The following ABCC4 variants were observed in gnomAD, a reference collection of about 807,000 sequenced individuals.
The protein encoded by ABCC4 is ATP binding cassette subfamily C member 4 (PEL blood group).
Under a neutral mutation model 168.5 loss-of-function variants are expected in ABCC4, and 102 were observed. The ratio of observed to expected loss-of-function variants is 0.61; its 90% CI spans 0.52 to 0.71. The LOEUF is 0.71. Ranked by LOEUF, ABCC4 falls within the 30% of genes least tolerant of loss-of-function variation. The pLI is 0.00. For missense variants in ABCC4, 1,402 were observed against 1,605.8 expected, an observed-to-expected ratio of 0.87 and a Z score of 2.17; for synonymous variants, 617 against 590.7, an observed-to-expected ratio of 1.04 and a Z score of -0.65.
chr13:95,028,127 T>C (rs1445279561), intron 30 of ABCC4, among the ~76,000 whole-genome samples: 2 of 152,160 alleles, frequency 1.3e-5, no homozygotes, highest in African/African-American at 4.8e-5. Flanking sequence ...TGAACATCTG[T>C]GGACTGAAAA....
At chr13:95,121,582 T>C (rs1045708216) in intron 19 of ABCC4, among the ~76,000 whole-genome samples, 1 of 151,830 alleles carries the variant, frequency 6.6e-6, no homozygotes, top group East Asian at 1.9e-4. Context: ...AATTTTTAAA[T>C]TTTTTTGTAG....
At chr13:95,230,515 G>A (rs1004533419) in intron 4 of ABCC4, among the ~76,000 whole-genome samples, 2 of 152,160 alleles carry the variant, frequency 1.3e-5, no homozygotes, top group South Asian at 2.1e-4. Flanking sequence ...AGTGGCTCAC[G>A]CCTGTAATCC....
chr13:95,233,976 T>A (rs1023158297), intron 4 of ABCC4, among the ~76,000 whole-genome samples: 1 of 152,184 alleles, frequency 6.6e-6, no homozygotes, highest in African/African-American at 2.4e-5. Flanking sequence ...CAACCACAAC[T>A]AGATTTAGAA....
At chr13:95,186,155 A>G (rs1407841611) in intron 11 of ABCC4, among the ~76,000 whole-genome samples, 1 of 150,704 alleles carries the variant, frequency 6.6e-6, no homozygotes, top group Admixed American at 6.6e-5. Context: ...AATTCTGGTG[A>G]TTTTTTTTCT....
At chr13:95,039,651 AG>A (rs1341658352) in intron 29 of ABCC4, among the ~76,000 whole-genome samples, 1 of 152,230 alleles carries the variant, frequency 6.6e-6, no homozygotes, top group Non-Finnish European at 1.5e-5. Flanking sequence ...TGCATTAGTC[AG>A]TTACTCAGTT....
At chr13:95,063,340 T>C (rs1164747894) in intron 25 of ABCC4, among the ~76,000 whole-genome samples, 1 of 152,222 alleles carries the variant, frequency 6.6e-6, no homozygotes, top group African/African-American at 2.4e-5. Flanking sequence ...CACAGGGATA[T>C]TAATTCAAGA....
At position 95,170,579 on chromosome 13, in the gene ABCC4, G is replaced by C; in HGVS notation, c.1777C>G (p.Gln593Glu). 6.2e-7 allele frequency: 1 copy of C among 1,612,386 alleles called. No homozygotes were observed. The highest frequency in any genetic ancestry group is 8.5e-7 in the Non-Finnish European group (1 of 1,179,718). The change falls in exon 14 of 31, where the codon CAG becomes GAG. Residue 593 changes from glutamine (Q) to glutamate (E), a missense_variant. Coordinates refer to ENST00000645237, the MANE Select transcript of ABCC4 (RefSeq NM_005845.5). ...CTTGCAGCTTTGAGGTACTGCAACT[G>C]ATGAGTCACTAAAATTGTGATCTTC... Reference protein sequence around the residue: ...HEKITILVTHQLQYLKAASQI... With the variant: ...HEKITILVTHELQYLKAASQI...
At chr13:95,265,239 T>C (rs1006486643) in intron 1 of ABCC4, among the ~76,000 whole-genome samples, 1 of 152,138 alleles carries the variant, frequency 6.6e-6, no homozygotes, top group South Asian at 2.1e-4. Flanking sequence ...TTGACAACTA[T>C]GGTAGAAGCT....
chr13:95,110,464 C>T (rs1566427337), intron 20 of ABCC4, among the ~76,000 whole-genome samples: 1 of 151,890 alleles, frequency 6.6e-6, no homozygotes. Context: ...ACCATATCTC[C>T]CCATCAAATA....
intron 19 of ABCC4, among the ~76,000 whole-genome samples, chr13:95,145,803 A>T: frequency 6.6e-6 from 1 of 152,180 alleles, no homozygotes; most frequent in East Asian, 1.9e-4. Flanking sequence ...TTGCAGCAAC[A>T]TGGATGGAGC....
chr13:95,271,658 G>GAC (rs776268670), intron 1 of ABCC4, among the ~76,000 whole-genome samples: 2 of 152,172 alleles, frequency 1.3e-5, no homozygotes, highest in Non-Finnish European at 2.9e-5. Context: ...GATACGTTGA[G>GAC]ACACTGATCT....
At chr13:95,217,459 C>T (rs1027687819) in intron 4 of ABCC4, among the ~76,000 whole-genome samples, 11 of 152,130 alleles carry the variant, frequency 7.2e-5, no homozygotes, top group African/African-American at 2.4e-4. Context: ...CGGCTGGGCA[C>T]GGTGGCTCAT....
chr13:95,143,054 A>G (rs1010026796), intron 19 of ABCC4, among the ~76,000 whole-genome samples: 8 of 151,960 alleles, frequency 5.3e-5, no homozygotes, highest in Non-Finnish European at 1.2e-4. Context: ...AGGCAAAGAA[A>G]TTTTTCAGCT....
intron 20 of ABCC4, among the ~76,000 whole-genome samples, chr13:95,101,878 T>G (rs115202068): frequency 0.014 from 2,167 of 152,318 alleles, 60 homozygotes; most frequent in African/African-American, 0.05. Context: ...AGGCTATTTC[T>G]CCCACTTAAA....
chr13:95,155,582 A>C (rs1243013234), intron 19 of ABCC4, among the ~76,000 whole-genome samples: 1 of 152,148 alleles, frequency 6.6e-6, no homozygotes, highest in African/African-American at 2.4e-5. Context: ...GAATGATATG[A>C]ATCTGGTTTT....
chr13:95,217,710 C>A (rs1434074698), intron 4 of ABCC4, among the ~76,000 whole-genome samples: 2 of 151,656 alleles, frequency 1.3e-5, no homozygotes, highest in Non-Finnish European at 2.9e-5. Context: ...GCCAGGGTGA[C>A]AGTGAGACTC....
At chr13:95,259,899 T>C (rs1450388347) in intron 1 of ABCC4, among the ~76,000 whole-genome samples, 1 of 151,114 alleles carries the variant, frequency 6.6e-6, no homozygotes, top group African/African-American at 2.4e-5. Flanking sequence ...ACACAGGCTA[T>C]GCACAGACTC....
At chr13:95,208,984 T>C (rs373085734) in intron 6 of ABCC4, among the ~76,000 whole-genome samples, 3 of 152,338 alleles carry the variant, frequency 2.0e-5, no homozygotes, top group Admixed American at 6.5e-5. Flanking sequence ...ATCATTAAAA[T>C]TCACCTTGCC....
intron 19 of ABCC4, among the ~76,000 whole-genome samples, chr13:95,151,572 A>G (rs762471820): frequency 9.5e-5 from 14 of 147,450 alleles, no homozygotes; most frequent in South Asian, 2.2e-4. Flanking sequence ...GAAGGAGAAG[A>G]AGGAGGAGGA....
Sources: gnomAD v4.1 joint callset for allele counts (sites outside exome capture counted in the v4.1 genomes callset) on GRCh38, gnomAD v4.1.1 for gene constraint, MANE v1.5 for transcripts, NCBI Gene and HGNC (gene_info 2026-07-23, HGNC 2026-07-21) for gene names.